Variants in KIF11 observed in about 807,000 individuals in gnomAD.
KIF11 encodes the protein kinesin family member 11, also known as kinesin-like protein KIF11.
KIF11 carries 9 observed loss-of-function variants against 121.0 expected under a neutral mutation model. The ratio of observed to expected loss-of-function variants is 0.07; its 90% CI spans 0.04 to 0.13. The LOEUF (loss-of-function observed/expected upper bound fraction) is 0.13. Ranked by LOEUF, KIF11 falls within the 10% of genes least tolerant of loss-of-function variation. The pLI is 1.00. For missense variants in KIF11, 846 were observed against 1,217.5 expected (o/e 0.69, Z 4.54); for synonymous variants, 408 against 421.0 (o/e 0.97, Z 0.38).
chr10:92,604,048 A>C (rs935219622), intron 1 of KIF11, among the ~76,000 whole-genome samples: 1 of 152,118 alleles, frequency 6.6e-6, no homozygotes, highest in African/African-American at 2.4e-5. Flanking sequence ...TTAATCCTCA[A>C]TCTCCCTTCC....
rs12244573 is a variant in KIF11 at position 92,606,868 on chromosome 10, C to T, written c.308+152C>T. On this transcript the variant is annotated intron_variant, in intron 3 of 21. Transcript: ENST00000260731. ...TCTCGGCTCACTGCAGCCTCTGCCT[C>T]CTGGGTTCAAGCAATTCTCCTGTTT... 0.079 allele frequency: 49,337 copies of T among 625,892 alleles called. 5,292 individuals carry two copies. The highest frequency in any genetic ancestry group is 0.4 in the African/African-American group (21,298 of 53,540). The allele number at this position is 625,892 out of a possible 1,614,324, so 38.8% of individuals were successfully genotyped here. A position where few individuals can be genotyped will look rare whatever the true frequency, so the allele number is the denominator to read the frequency against.
At chr10:92,641,551 A>G (rs1307132315) in intron 17 of KIF11, among the ~76,000 whole-genome samples, 3 of 152,206 alleles carry the variant, frequency 2.0e-5, no homozygotes, top group Non-Finnish European at 4.4e-5. Flanking sequence ...TTGTTCCCTT[A>G]TAGGCAGTCT....
intron 17 of KIF11, among the ~76,000 whole-genome samples, chr10:92,641,002 C>T (rs576096738): frequency 1.2e-3 from 188 of 152,190 alleles, no homozygotes; most frequent in Non-Finnish European, 2.3e-3. Flanking sequence ...CCTACCTCGG[C>T]CTCCCAAAGT....
chr10:92,594,547 C>CTAA (rs1844270754), intron 1 of KIF11, among the ~76,000 whole-genome samples: 1 of 152,118 alleles, frequency 6.6e-6, no homozygotes, highest in Non-Finnish European at 1.5e-5. Flanking sequence ...TAAAACCAGG[C>CTAA]AATATTACCT....
chr10:92,609,266 CAGAGAG>C lies in KIF11; in HGVS notation c.574-86_574-81del, dbSNP rs3835295. 7,595 of 740,064 alleles carry C rather than the reference CAGAGAG, an allele frequency of 0.01. 41 individuals are homozygous for C. The highest frequency in any genetic ancestry group is 0.026 in the East Asian group (802 of 31,254). 45.8% of individuals were successfully genotyped at this position (740,064 alleles called of 1,614,324 possible). A position where few individuals can be genotyped will look rare whatever the true frequency, so the allele number is the denominator to read the frequency against. ...TTTAATGTGTGAGGCTTTGAGAAGT[CAGAGAG>C]AGAGAGAGAGAGAGAGAGAGAGAGA... On this transcript the variant is annotated intron_variant, in intron 5 of 21. Transcript: ENST00000260731.
chr10:92,603,767 C>T lies in KIF11; in HGVS notation c.78-2498C>T, dbSNP rs540262249. The stretch of plus-strand genomic sequence containing the variant: ...CTTCCCAAAGTGCTGAGATTACAGG[C>T]GTGAGCCACTGTGCCTGGCCTGCTT... On this transcript the variant is annotated intron_variant, in intron 1 of 21. Coordinates refer to ENST00000260731, the MANE Select transcript of KIF11 (RefSeq NM_004523.4). 3.6e-4 allele frequency among the ~76,000 whole-genome samples: 54 copies of T among 151,242 alleles called. 1 individual carries two copies. The South Asian group carries it at 7.1e-3, about 20-fold the overall frequency.
intron 8 of KIF11, among the ~76,000 whole-genome samples, chr10:92,614,141 G>C (rs1844528725): frequency 6.9e-6 from 1 of 145,100 alleles, no homozygotes; most frequent in Non-Finnish European, 1.5e-5. Flanking sequence ...TTGTCCCCCA[G>C]ACTGGAGTGC....
chr10:92,608,972 A>C, intron 4 of KIF11, 48 bp from the exon 5 acceptor site: 1 of 1,075,610 alleles, frequency 9.3e-7, no homozygotes, highest in East Asian at 2.5e-5. Flanking sequence ...TTTAACTGCC[A>C]CAGTAAATGG....
chr10:92,628,802 T>A lies in KIF11; in HGVS notation c.1218-6T>A. 6.7e-7 allele frequency: 1 copy of A among 1,503,096 alleles called. No homozygotes were observed. Among genetic ancestry groups the A allele is most frequent in the Non-Finnish European group, 9.2e-7 (1 of 1,089,086 alleles). 93.1% of individuals were successfully genotyped at this position (1,503,096 alleles called of 1,614,324 possible). Reference sequence around the variant, plus strand: ...ACTGTTAAACTCATATTAAACTTTATTTTAGAGTCATGAGTGGAAAATTAA... The same window carrying A: ...ACTGTTAAACTCATATTAAACTTTAATTTAGAGTCATGAGTGGAAAATTAA... On this transcript the variant is annotated splice_region_variant and splice_polypyrimidine_tract_variant and intron_variant, in intron 10 of 21. Coordinates refer to ENST00000260731, the MANE Select transcript of KIF11 (RefSeq NM_004523.4).
chr10:92,648,645 A>G (rs1234677372), intron 19 of KIF11, among the ~76,000 whole-genome samples: 1 of 152,226 alleles, frequency 6.6e-6, no homozygotes, highest in Non-Finnish European at 1.5e-5. Context: ...GTATAATTTC[A>G]CATACTTTCA....
chr10:92,610,745 G>A (rs755769396), intron 6 of KIF11, among the ~76,000 whole-genome samples: 2 of 152,060 alleles, frequency 1.3e-5, no homozygotes, highest in Non-Finnish European at 2.9e-5. Flanking sequence ...GCTTGTAGTT[G>A]AAAATTTCTA....
intron 8 of KIF11, among the ~76,000 whole-genome samples, chr10:92,615,475 T>C (rs1844544778): frequency 6.6e-6 from 1 of 152,166 alleles, no homozygotes; most frequent in Admixed American, 6.6e-5. Flanking sequence ...TGTTGAGATT[T>C]AATTCACATA....
At chr10:92,622,231 G>A (rs1032863821) in intron 10 of KIF11, among the ~76,000 whole-genome samples, 3 of 151,574 alleles carry the variant, frequency 2.0e-5, no homozygotes, top group East Asian at 1.9e-4. Context: ...CCAAGATCGC[G>A]CCATTGCACT....
At chr10:92,636,100 A>G (rs1032881346) in intron 14 of KIF11, among the ~76,000 whole-genome samples, 8 of 152,204 alleles carry the variant, frequency 5.3e-5, no homozygotes, top group African/African-American at 1.7e-4. Context: ...TTCTGATACA[A>G]TAGGATGTAA....
chr10:92,621,533 T>A (rs1844616867), intron 10 of KIF11, 60 bp downstream of exon 10: 2 of 1,016,486 alleles, frequency 2.0e-6, no homozygotes, highest in East Asian at 4.8e-5. Context: ...ACAGGCTATT[T>A]GAAGTAAAAC....
chr10:92,628,192 C>T (rs1844699836), intron 10 of KIF11, among the ~76,000 whole-genome samples: 1 of 152,132 alleles, frequency 6.6e-6, no homozygotes, highest in Non-Finnish European at 1.5e-5. Flanking sequence ...ATTATTTGAT[C>T]CACTAGTGCT....
At chr10:92,614,065 C>CAT (rs1479011895) in intron 8 of KIF11, among the ~76,000 whole-genome samples, 35 of 116,552 alleles carry the variant, frequency 3.0e-4, no homozygotes, top group East Asian at 1.5e-3. Context: ...CACACACACA[C>CAT]ATATAGTAGG....
chr10:92,625,399 TG>T (rs985983853), intron 10 of KIF11, among the ~76,000 whole-genome samples: 1 of 150,706 alleles, frequency 6.6e-6, no homozygotes, highest in Non-Finnish European at 1.5e-5. Context: ...CAGGCTGGAG[TG>T]CAGTGTGGCA....
chr10:92,598,828 A>C (rs1380260078), intron 1 of KIF11, among the ~76,000 whole-genome samples: 1 of 152,076 alleles, frequency 6.6e-6, no homozygotes, highest in Non-Finnish European at 1.5e-5. Flanking sequence ...TCCAGGCTGG[A>C]GTGCAGTGGC....
Sources: gnomAD v4.1 joint callset for allele counts (sites outside exome capture counted in the v4.1 genomes callset) on GRCh38, gnomAD v4.1.1 for gene constraint, MANE v1.5 for transcripts, NCBI Gene and HGNC (gene_info 2026-07-23, HGNC 2026-07-21) for gene names.